EFTUD2: variants seen among roughly 807,000 people sequenced by gnomAD.
The protein encoded by EFTUD2 is elongation factor Tu GTP binding domain containing 2, also known as 116 kDa U5 small nuclear ribonucleoprotein component.
In EFTUD2, 9 loss-of-function variants were observed where a neutral mutation model predicts 114.3. That is an observed-to-expected ratio of 0.08 (90% CI 0.05 to 0.14). EFTUD2 has a LOEUF of 0.14. EFTUD2 is among the 10% of genes least tolerant of loss of function. The pLI is 1.00. For synonymous variants in EFTUD2, 449 were observed against 462.3 expected (o/e 0.97, Z 0.37); for missense variants, 765 against 1,241.2 (o/e 0.62, Z 5.76).
At chr17:44,866,000 G>A (rs1330533306) in intron 13 of EFTUD2, among the ~76,000 whole-genome samples, 1 of 152,130 alleles carries the variant, frequency 6.6e-6, no homozygotes, top group Non-Finnish European at 1.5e-5. Context: ...CGGAGATAAA[G>A]GGTTTAGCCA....
rs1170642238 is a variant in EFTUD2, at chr17:44,852,426, C to T, written c.2698G>A (p.Val900Ile). ...HTQGQAFSLS[V>I]FHHWQIVPGD... ...TTTCTCACCTGCCAGTGGTGGAAGA[C>T]AGACAGAGAAAAGGCTTGTCCCTGG... is the stretch of plus-strand genomic sequence containing the variant. Residue 900 changes from valine to isoleucine, a missense_variant, in exon 26 of 28, where the codon GTC (valine) becomes ATC (isoleucine). Physicochemically the swap from Val to Ile is conservative, Grantham distance 29. Coordinates refer to ENST00000426333, the MANE Select transcript of EFTUD2 (RefSeq NM_004247.4). 2 of 1,613,934 alleles carry T rather than the reference C, an allele frequency of 1.2e-6. No homozygotes were observed. The highest frequency in any genetic ancestry group is 1.7e-6 in the Non-Finnish European group (2 of 1,180,016).
At chr17:44,856,810 T>C (rs1365982789) in intron 20 of EFTUD2, among the ~76,000 whole-genome samples, 1 of 151,856 alleles carries the variant, frequency 6.6e-6, no homozygotes, top group Non-Finnish European at 1.5e-5. Flanking sequence ...GGAGTAAACT[T>C]TTAAGATAGT....
intron 7 of EFTUD2, among the ~76,000 whole-genome samples, chr17:44,881,310 AGGTCATCATAT>A (rs1318819664): frequency 6.6e-6 from 1 of 152,274 alleles, no homozygotes; most frequent in African/African-American, 2.4e-5. Context: ...TCCTAGAAAG[AGGTCATCATAT>A]GGATGGACTC....
chr17:44,863,792 G>T lies in EFTUD2; in HGVS notation c.1286-10C>A. 2 of 1,613,504 alleles carry T rather than the reference G, an allele frequency of 1.2e-6. No homozygotes were observed. Among genetic ancestry groups the T allele is most frequent in the South Asian group, 1.1e-5 (1 of 90,926 alleles). ...CACATGTCCACAAAGCCTGTGGATG[G>T]AGAAGAGAAAGCCATTAATACATGC... On this transcript the variant is annotated splice_polypyrimidine_tract_variant and intron_variant, in intron 14 of 27. Transcript: ENST00000426333.
intron 8 of EFTUD2, 84 bp downstream of exon 8, chr17:44,880,470 T>C (rs2051053030): frequency 5.2e-6 from 5 of 958,526 alleles, no homozygotes; most frequent in Non-Finnish European, 8.1e-6. Flanking sequence ...AAAGATGCAC[T>C]GCTCCGTTCT....
rs139206848 is a variant in EFTUD2, at chr17:44,851,287, T to C, written c.2906A>G (p.Asn969Ser). The C allele has an allele frequency of 6.0e-5, 97 of 1,613,982 alleles. No homozygotes were observed. Among genetic ancestry groups the C allele is most frequent in the Middle Eastern group, 3.3e-4 (2 of 6,080 alleles). The change falls in exon 28 of 28, where the codon AAT (asparagine) becomes AGT (serine). Residue 969 changes from asparagine to serine, a missense_variant. By Grantham distance (46) the Asn-to-Ser change is conservative (BLOSUM62 1). Transcript: ENST00000426333. ...LELAKQDVVL[N>S]YPM ...GAGTCCACGCACTCACATGGGGTAATTGAGCACAACATCCTGTTTGGCAAG... is the reference window on the plus strand; with the variant it reads ...GAGTCCACGCACTCACATGGGGTAACTGAGCACAACATCCTGTTTGGCAAG...
At chr17:44,885,405 T>C (rs2145554955) in intron 3 of EFTUD2, 71 bp from the exon 4 acceptor site, 1 of 982,582 alleles carries the variant, frequency 1.0e-6, no homozygotes, top group Non-Finnish European at 1.6e-6. Flanking sequence ...ACTATTCCAT[T>C]AGACTGACCT....
At position 44,863,794 on chromosome 17, in the gene EFTUD2, G is replaced by A. The variant is rs762589879; in HGVS notation, c.1286-12C>T. The A allele has an allele frequency of 2.5e-6, 4 of 1,613,402 alleles. No individual in the cohort carries two copies. The highest frequency in any genetic ancestry group is 3.4e-6 in the Non-Finnish European group (4 of 1,179,686). On this transcript the variant is annotated splice_polypyrimidine_tract_variant and intron_variant, in intron 14 of 27. Transcript: ENST00000426333. ...CATGTCCACAAAGCCTGTGGATGGA[G>A]AAGAGAAAGCCATTAATACATGCCT...
chr17:44,857,080 A>T lies in EFTUD2; in HGVS notation c.2040T>A (p.Asn680Lys). 6.2e-7 allele frequency: 1 copy of T among 1,613,836 alleles called. No individual in the cohort carries two copies. The highest frequency in any genetic ancestry group is 8.5e-7 in the Non-Finnish European group (1 of 1,179,748). Residue 680 changes from asparagine (N) to lysine (K), a missense_variant, in exon 20 of 28, where the codon AAT (asparagine) becomes AAA (lysine). Asn to Lys is a moderately conservative substitution (Grantham distance 94, BLOSUM62 0). Around this residue, in one of 6 missense-constraint regions of EFTUD2, gnomAD observed 166 missense variants for 401.5 expected, o/e 0.41. Coordinates refer to ENST00000426333, the MANE Select transcript of EFTUD2 (RefSeq NM_004247.4). ...ACACTGTGCTCCCAGCTTACTTCTT[A>T]TTAGGCGTTTCAGCAAAGCACTTGA... ...SSLKCFAETP[N>K]KKNKITMIAE...
At chr17:44,876,584 G>A (rs868627235) in intron 9 of EFTUD2, among the ~76,000 whole-genome samples, 1 of 152,110 alleles carries the variant, frequency 6.6e-6, no homozygotes, top group South Asian at 2.1e-4. Context: ...CGGGCACAGT[G>A]GCTCATGCCT....
chr17:44,853,669 G>T (rs773903341), intron 23 of EFTUD2, 34 bp from the exon 24 acceptor site: 1 of 1,610,302 alleles, frequency 6.2e-7, no homozygotes, highest in Non-Finnish European at 8.5e-7. Context: ...ACTGGGGAGA[G>T]GTTCTGGGCC....
At chr17:44,855,561 T>A (rs767457775) in intron 20 of EFTUD2, among the ~76,000 whole-genome samples, 2 of 149,868 alleles carry the variant, frequency 1.3e-5, no homozygotes, top group Non-Finnish European at 1.5e-5. Context: ...TGCAAGACTC[T>A]GTCTCAAAAA....
intron 19 of EFTUD2, among the ~76,000 whole-genome samples, chr17:44,858,756 T>A (rs1056349259): frequency 3.9e-5 from 6 of 152,142 alleles, no homozygotes; most frequent in Admixed American, 3.9e-4. Context: ...CTATTTTTTT[T>A]ATTTTAATTT....
At chr17:44,862,566 C>G (rs2050677113) in intron 16 of EFTUD2, 147 bp downstream of exon 16, 1 of 686,762 alleles carries the variant, frequency 1.5e-6, no homozygotes. Context: ...AACTTGAAGT[C>G]AATAGCCCTG....
chr17:44,894,474 C>A lies in EFTUD2; in HGVS notation c.48G>T (p.Glu16Asp), dbSNP rs746279184. Reference sequence around the variant, plus strand: ...CATCATCATCTTCATCAGAATCAAGCTCTGGTCCAATATAATTCCCAAACT... The same window carrying A: ...CATCATCATCTTCATCAGAATCAAGATCTGGTCCAATATAATTCCCAAACT... ...YDEFGNYIGP[E>D]LDSDEDDDEL... The change falls in exon 2 of 28, where the codon GAG (glutamate) becomes GAT (aspartate). Residue 16 changes from glutamate (E) to aspartate (D), a missense_variant. Physicochemically the swap from Glu to Asp is conservative, Grantham distance 45 (BLOSUM62 2). Transcript: ENST00000426333. 2 of 1,614,100 alleles carry A rather than the reference C, an allele frequency of 1.2e-6. No homozygotes were observed. The highest frequency in any genetic ancestry group is 8.5e-7 in the Non-Finnish European group (1 of 1,180,040).
At position 44,854,702 on chromosome 17, in the gene EFTUD2, A is replaced by G. The variant is rs1044142510; in HGVS notation, c.2133-20T>C. 36 of 1,608,320 alleles carry G rather than the reference A, an allele frequency of 2.2e-5. No homozygotes were observed. The highest frequency in any genetic ancestry group is 5.3e-5 in the African/African-American group (4 of 74,848). ...TTCTTCCTGGGGAAGGGAGGAGACA[A>G]TGGAGCTGTCAGCCAGCTCTGTGAT... On this transcript the variant is annotated intron_variant, in intron 21 of 27. Coordinates refer to ENST00000426333, the MANE Select transcript of EFTUD2 (RefSeq NM_004247.4). The surrounding 1 kb of genome is among the most constrained non-coding windows in gnomAD (Gnocchi z 4.3).
intron 15 of EFTUD2, 133 bp from the exon 16 acceptor site, chr17:44,863,039 A>G: frequency 1.5e-6 from 1 of 689,524 alleles, no homozygotes; most frequent in East Asian, 2.7e-5. Context: ...TCTCATCTCC[A>G]AACCATGTTC....
At chr17:44,878,071 G>C (rs2051001399) in intron 9 of EFTUD2, among the ~76,000 whole-genome samples, 1 of 152,048 alleles carries the variant, frequency 6.6e-6, no homozygotes, top group Non-Finnish European at 1.5e-5. Flanking sequence ...AAAAGGCAGA[G>C]GTTGCAGTAA....
rs1242477331 is a variant in EFTUD2, at chr17:44,850,828, GC to G, written c.*445del. 14 of 233,316 alleles carry G rather than the reference GC, an allele frequency of 6.0e-5. No homozygotes were observed. Among genetic ancestry groups the G allele is most frequent in the African/African-American group, 2.0e-4 (9 of 44,978 alleles). The allele number at this position is 233,316 out of a possible 1,614,324, so 14.5% of individuals were successfully genotyped here. On this transcript the variant is annotated 3_prime_UTR_variant, in exon 28 of 28. Coordinates refer to ENST00000426333, the MANE Select transcript of EFTUD2 (RefSeq NM_004247.4). ...TGCAGCTGGAAGCAGAGGCAGTGAA[GC>G]CTCTTGGGAGATGACATATATTCAG...
Sources: allele counts gnomAD v4.1 joint callset (sites outside exome capture counted in the v4.1 genomes callset), GRCh38; gene constraint gnomAD v4.1.1; regional missense constraint gnomAD v4.1.1; non-coding constraint Gnocchi (gnomAD v3.1); transcripts MANE v1.5; gene names NCBI Gene and HGNC (gene_info 2026-07-23, HGNC 2026-07-21).